Variants in UBA2 observed in about 807,000 individuals in gnomAD.
UBA2 encodes the protein ubiquitin like modifier activating enzyme 2, also known as SUMO-activating enzyme subunit 2.
UBA2 carries 11 observed loss-of-function variants against 77.2 expected under a neutral mutation model. The ratio of observed to expected loss-of-function variants is 0.14; its 90% CI spans 0.09 to 0.24. UBA2 has a LOEUF of 0.24. Among genes scored for constraint, UBA2 ranks in the 10% least tolerant of loss-of-function variants. The probability of loss-of-function intolerance (pLI) is 1.00; values close to 1 mark genes in which losing one functional copy is unlikely to be tolerated. For synonymous variants in UBA2, 278 were observed against 276.7 expected (o/e 1.00, Z -0.05); for missense variants, 487 against 781.7 (o/e 0.62, Z 4.50).
At chr19:34,429,293 T>A (rs753669396) in intron 1 of UBA2, 25 of 972,412 alleles carry the variant, frequency 2.6e-5, no homozygotes, top group African/African-American at 3.5e-5. Flanking sequence ...GACAAGCCAG[T>A]GCTATTTTGA....
chr19:34,460,188 C>G (rs551677303), intron 13 of UBA2, among the ~76,000 whole-genome samples: 1 of 152,292 alleles, frequency 6.6e-6, no homozygotes, highest in African/African-American at 2.4e-5. Context: ...AGCTCACTAC[C>G]TAACCTGCAG....
chr19:34,428,402 C>T lies in UBA2; in HGVS notation c.-31C>T, dbSNP rs778276299. On this transcript the variant is annotated 5_prime_UTR_variant, in exon 1 of 17. Transcript: ENST00000246548. ...GGCCGCGGCTCGGTTCTCCCGCCTC[C>T]GCCTCCGCCGCGGCTCGTGGTTGTC... is the stretch of plus-strand genomic sequence containing the variant. 33 of 1,238,608 alleles carry T rather than the reference C, an allele frequency of 2.7e-5. 1 individual carries two copies. The highest frequency in any genetic ancestry group is 2.9e-4 in the Middle Eastern group (1 of 3,436). The allele number at this position is 1,238,608 out of a possible 1,614,324, so 76.7% of individuals were successfully genotyped here. A position where few individuals can be genotyped will look rare whatever the true frequency, so the allele number is the denominator to read the frequency against.
intron 12 of UBA2, among the ~76,000 whole-genome samples, chr19:34,456,777 T>A (rs1043828591): frequency 1.3e-5 from 2 of 151,968 alleles, no homozygotes; most frequent in African/African-American, 4.8e-5. Context: ...AGGCTGGTCA[T>A]GAACTCCTGA....
intron 9 of UBA2, 44 bp from the exon 10 acceptor site, chr19:34,451,937 A>G: frequency 8.7e-7 from 1 of 1,152,400 alleles, no homozygotes; most frequent in East Asian, 2.6e-5. Context: ...TAGAGGAATG[A>G]TGTTAATTAG....
intron 16 of UBA2, among the ~76,000 whole-genome samples, chr19:34,467,369 G>A (rs1006961688): frequency 3.3e-5 from 5 of 151,776 alleles, no homozygotes; most frequent in African/African-American, 1.2e-4. Context: ...CTACTCAGGA[G>A]GCTGAAGTGG....
rs775551383 is a variant in UBA2 at position 34,464,069 on chromosome 19, C to G, written c.1542C>G (p.Gly514=). 28 of 1,613,830 alleles carry G rather than the reference C, an allele frequency of 1.7e-5. No individual in the cohort carries two copies. The highest frequency in any genetic ancestry group is 2.1e-5 in the Non-Finnish European group (25 of 1,179,916). The change falls in exon 15 of 17, where the codon GGC becomes GGG. Residue 514 remains glycine, a synonymous_variant. Coordinates refer to ENST00000246548, the MANE Select transcript of UBA2 (RefSeq NM_005499.3). ...TGTCAGAATTTGGAATTAGAAATGG[C>G]AGCCGGCTTCAAGCAGATGACTTCC... ...KKLSEFGIRN[G]SRLQADDFLQ...
chr19:34,468,907 A>G (rs7258977), intron 16 of UBA2, 133 bp from the exon 17 acceptor site: 473,469 of 629,752 alleles, frequency 0.75, 184,158 homozygotes, highest in East Asian at 0.84. Flanking sequence ...CGTAATGTGT[A>G]AAGTGAAAAT....
chr19:34,436,199 G>T (rs574681666), intron 5 of UBA2, among the ~76,000 whole-genome samples: 138 of 152,124 alleles, frequency 9.1e-4, no homozygotes, highest in African/African-American at 3.2e-3. Flanking sequence ...ACTTTTTAGG[G>T]GTGTATTTGT....
rs766083996 is a variant in UBA2, at chr19:34,454,246, T to C, written c.1039-14T>C. 1.9e-6 allele frequency: 3 copies of C among 1,593,672 alleles called. No homozygotes were observed. The highest frequency in any genetic ancestry group is 1.4e-5 in the African/African-American group (1 of 73,908). On this transcript the variant is annotated splice_polypyrimidine_tract_variant and intron_variant, in intron 10 of 16. Coordinates refer to ENST00000246548, the MANE Select transcript of UBA2 (RefSeq NM_005499.3). ...TTGTGGAGAAACTTGTTAAATTGTT[T>C]AAATTATTGGCAGGATGACCCATCT...
At chr19:34,446,012 T>G (rs1397684835) in intron 8 of UBA2, among the ~76,000 whole-genome samples, 1 of 151,936 alleles carries the variant, frequency 6.6e-6, no homozygotes, top group African/African-American at 2.4e-5. Flanking sequence ...GTGTGTGGGG[T>G]TTTTTTGACT....
intron 3 of UBA2, 140 bp downstream of exon 3, chr19:34,432,071 C>T: frequency 3.5e-6 from 2 of 577,954 alleles, no homozygotes; most frequent in South Asian, 5.1e-5. Context: ...TACAGAGTGG[C>T]ATTCTTTTTA....
At chr19:34,452,501 C>T (rs1221509386) in intron 10 of UBA2, among the ~76,000 whole-genome samples, 2 of 152,108 alleles carry the variant, frequency 1.3e-5, no homozygotes, top group Non-Finnish European at 2.9e-5. Context: ...GCCTGATTTG[C>T]CCTTGAAAAT....
chr19:34,443,933 T>C, intron 7 of UBA2, 22 bp downstream of exon 7: 1 of 1,537,234 alleles, frequency 6.5e-7, no homozygotes, highest in Non-Finnish European at 9.0e-7. Flanking sequence ...ATTTGGCATA[T>C]GTTTTATCAG....
intron 16 of UBA2, 84 bp from the exon 17 acceptor site, chr19:34,468,956 G>C (rs1365442973): frequency 1.7e-6 from 2 of 1,192,704 alleles, no homozygotes; most frequent in East Asian, 2.5e-5. Context: ...AGAAGAGTCA[G>C]CTTTCAATTA....
Position 34,428,567 on chromosome 19 carries a change from C to T in UBA2, c.135C>T (p.Asp45=). Residue 45 remains aspartate, a synonymous_variant, in exon 1 of 17, where the codon GAC becomes GAT. Coordinates refer to ENST00000246548, the MANE Select transcript of UBA2 (RefSeq NM_005499.3). Reference sequence around the variant, plus strand: ...TGCTCACCGGTTTCTCCCACATCGACCTGGTGAGGGCCGGGCGCGCGCGCG... The same window carrying T: ...TGCTCACCGGTTTCTCCCACATCGATCTGGTGAGGGCCGGGCGCGCGCGCG... ...NLVLTGFSHI[D]LIDLDTIDVS... is the part of the protein sequence containing the mutation. The T allele has an allele frequency of 1.5e-6, 2 of 1,305,640 alleles. No individual in the cohort carries two copies. Among genetic ancestry groups the T allele is most frequent in the Non-Finnish European group, 2.0e-6 (2 of 1,018,408 alleles). The allele number at this position is 1,305,640 out of a possible 1,614,324, so 80.9% of individuals were successfully genotyped here. A position where few individuals can be genotyped will look rare whatever the true frequency, so the allele number is the denominator to read the frequency against.
chr19:34,429,008 C>G, intron 1 of UBA2: 1 of 985,548 alleles, frequency 1.0e-6, no homozygotes, highest in Admixed American at 6.1e-5. Flanking sequence ...TGATAGCGAC[C>G]AACGCGTCCC....
At chr19:34,446,608 C>CTTTTTTTTTTTTTTTTTTTTTT in intron 8 of UBA2, among the ~76,000 whole-genome samples, 1 of 145,152 alleles carries the variant, frequency 6.9e-6, no homozygotes, top group Admixed American at 7.0e-5. Context: ...TTTTTTTTTT[C>CTTTTTTTTTTTTTTTTTTTTTT]TTTCTTTTTT....
At chr19:34,444,913 G>C in intron 7 of UBA2, 87 bp from the exon 8 acceptor site, 3 of 1,395,300 alleles carry the variant, frequency 2.2e-6, no homozygotes, top group Non-Finnish European at 2.9e-6. Context: ...TTCCATGAGT[G>C]ACTTTCTTTT....
intron 7 of UBA2, among the ~76,000 whole-genome samples, chr19:34,444,320 A>G (rs1054997016): frequency 6.6e-6 from 1 of 152,060 alleles, no homozygotes; most frequent in Non-Finnish European, 1.5e-5. Context: ...GGCCTCCCAA[A>G]GTGCTGGGAC....
Sources: allele counts gnomAD v4.1 joint callset (sites outside exome capture counted in the v4.1 genomes callset), GRCh38; gene constraint gnomAD v4.1.1; transcripts MANE v1.5; gene names NCBI Gene and HGNC (gene_info 2026-07-23, HGNC 2026-07-21).